Variants in CLIC5 observed in about 807,000 individuals in gnomAD.
The protein encoded by CLIC5 is CLIC family member 5.
In CLIC5, 20 loss-of-function variants were observed where a neutral mutation model predicts 24.7. That is an observed-to-expected ratio of 0.81 (90% CI 0.57 to 1.18). The LOEUF (loss-of-function observed/expected upper bound fraction) is 1.18, where lower values mean the gene tolerates loss of function less well. Among genes scored for constraint, CLIC5 ranks in the 50% most tolerant of loss-of-function variants. The probability of loss-of-function intolerance (pLI) is 0.00; values close to 1 mark genes in which losing one functional copy is unlikely to be tolerated. For missense variants in CLIC5, 341 were observed against 326.1 expected, an observed-to-expected ratio of 1.05 and a Z score of -0.35; for synonymous variants, 159 against 135.6, an observed-to-expected ratio of 1.17 and a Z score of -1.20.
intron 5 of CLIC5, among the ~76,000 whole-genome samples, chr6:45,913,047 T>C (rs1026890083): frequency 6.6e-6 from 1 of 152,210 alleles, no homozygotes; most frequent in Non-Finnish European, 1.5e-5. Context: ...ATAATAGGCA[T>C]ATACTCAGCT....
intron 1 of CLIC5, among the ~76,000 whole-genome samples, chr6:46,054,684 G>T (rs779088499): frequency 2.0e-5 from 3 of 152,300 alleles, no homozygotes; most frequent in South Asian, 2.1e-4. Flanking sequence ...TAGGGCGGGG[G>T]CCTGATCCAA....
intron 4 of CLIC5, among the ~76,000 whole-genome samples, chr6:45,925,298 C>T (rs1441904843): frequency 1.3e-5 from 2 of 151,502 alleles, no homozygotes; most frequent in Non-Finnish European, 1.5e-5. Flanking sequence ...TGCCAACATG[C>T]CAACATGTCA....
At chr6:45,896,656 C>T (rs1193367764), downstream of CLIC5, among the ~76,000 whole-genome samples, 3 of 152,202 alleles carry the variant, frequency 2.0e-5, no homozygotes, top group Non-Finnish European at 2.9e-5. Flanking sequence ...TAATGAGATA[C>T]TCTCATTTAC....
At chr6:45,962,406 T>A (rs1764877404) in intron 1 of CLIC5, among the ~76,000 whole-genome samples, 1 of 151,470 alleles carries the variant, frequency 6.6e-6, no homozygotes, top group Admixed American at 6.6e-5. Context: ...TCAGTCTTTT[T>A]TTCTATGAGG....
chr6:46,015,992 C>A, upstream of CLIC5: 3 of 737,270 alleles, frequency 4.1e-6, no homozygotes, highest in Non-Finnish European at 5.0e-6. Flanking sequence ...CAAGACCCCG[C>A]AGGGCAGGAG....
At chr6:46,018,272 C>T (rs564387936), upstream of CLIC5, among the ~76,000 whole-genome samples, 8 of 152,244 alleles carry the variant, frequency 5.3e-5, no homozygotes, top group East Asian at 7.7e-4. Context: ...CACGTATTTT[C>T]GATCATTTCC....
chr6:46,085,954 G>T, the CLIC5 span, among the ~76,000 whole-genome samples: 1 of 152,216 alleles, frequency 6.6e-6, no homozygotes. Context: ...AATGGCGGGT[G>T]CCCCTCCCCC....
At chr6:46,095,744 C>T in the CLIC5 span, among the ~76,000 whole-genome samples, 2 of 152,198 alleles carry the variant, frequency 1.3e-5, no homozygotes, top group Admixed American at 1.3e-4. Context: ...CCCAAACTTT[C>T]CCCCGTCTTC....
intron 1 of CLIC5, among the ~76,000 whole-genome samples, chr6:45,995,361 T>C (rs192858744): frequency 6.6e-6 from 1 of 152,378 alleles, no homozygotes; most frequent in Non-Finnish European, 1.5e-5. Context: ...TGAAGGAGGC[T>C]TTCAGAAATT....
chr6:45,908,446 C>A (rs762047742), intron 5 of CLIC5, among the ~76,000 whole-genome samples: 3 of 152,090 alleles, frequency 2.0e-5, no homozygotes, highest in Non-Finnish European at 1.5e-5. Context: ...GCTTTTGCTA[C>A]ATCCTAGAGA....
intron 1 of CLIC5, among the ~76,000 whole-genome samples, chr6:45,967,084 T>A (rs1169267224): frequency 6.6e-6 from 1 of 152,178 alleles, no homozygotes. Context: ...TCAGCCATGG[T>A]GAAAAATGTG....
rs1762508353 is a variant in CLIC5, at chr6:45,901,394, G to C, written c.*1694C>G. On this transcript the variant is annotated 3_prime_UTR_variant, in exon 6 of 6. Coordinates refer to ENST00000339561, the MANE Select transcript of CLIC5 (RefSeq NM_016929.5). ...TCCTCTCCTCTGATTTGATCAATGG[G>C]TTACTTTTTTTCTTCAGAGATCCCT... 6.6e-6 allele frequency: 1 copy of C among 152,096 alleles called. No homozygotes were observed. Among genetic ancestry groups the C allele is most frequent in the Non-Finnish European group, 1.5e-5 (1 of 68,038 alleles). 9.4% of individuals were successfully genotyped at this position (152,096 alleles called of 1,614,324 possible). A position where few individuals can be genotyped will look rare whatever the true frequency, so the allele number is the denominator to read the frequency against.
intron 1 of CLIC5, among the ~76,000 whole-genome samples, chr6:46,034,636 A>T (rs987093308): frequency 1.3e-5 from 2 of 152,216 alleles, no homozygotes. Flanking sequence ...AAGTGGTGGT[A>T]GCTCAAGCTT....
chr6:46,056,476 G>A (rs950926138), intron 1 of CLIC5, among the ~76,000 whole-genome samples: 2 of 152,130 alleles, frequency 1.3e-5, no homozygotes, highest in Admixed American at 6.6e-5. Flanking sequence ...ACCCTCATAT[G>A]TGGTACAACC....
chr6:46,054,377 C>A (rs1463061714), intron 1 of CLIC5, among the ~76,000 whole-genome samples: 1 of 152,138 alleles, frequency 6.6e-6, no homozygotes, highest in Admixed American at 6.5e-5. Context: ...TGCCACAGAC[C>A]AAACACACTC....
chr6:45,936,226 T>G (rs1763928967), intron 4 of CLIC5, among the ~76,000 whole-genome samples: 1 of 126,938 alleles, frequency 7.9e-6, no homozygotes, highest in Non-Finnish European at 1.6e-5. Flanking sequence ...TTTTTTGAGA[T>G]GGAGTTTCAC....
At chr6:46,064,906 A>G (rs375947217) in intron 1 of CLIC5, among the ~76,000 whole-genome samples, 16 of 152,142 alleles carry the variant, frequency 1.1e-4, no homozygotes, top group East Asian at 5.8e-4. Context: ...CAAAAAACAC[A>G]AACCATAGCA....
At chr6:46,067,846 G>T (rs114089886) in intron 1 of CLIC5, among the ~76,000 whole-genome samples, 181 of 152,230 alleles carry the variant, frequency 1.2e-3, no homozygotes, top group African/African-American at 4.3e-3. Flanking sequence ...CATGTCTGGG[G>T]GTTCCCATTC....
chr6:46,109,686 A>G, the CLIC5 span, among the ~76,000 whole-genome samples: 1 of 152,272 alleles, frequency 6.6e-6, no homozygotes, highest in Middle Eastern at 3.4e-3. Context: ...TTAGTTTTCC[A>G]GAGTCAAGAA....
Sources: gnomAD v4.1 joint callset for allele counts (sites outside exome capture counted in the v4.1 genomes callset) on GRCh38, gnomAD v4.1.1 for gene constraint, MANE v1.5 for transcripts, NCBI Gene and HGNC (gene_info 2026-07-23, HGNC 2026-07-21) for gene names.